G3BP1: variants seen among roughly 807,000 people sequenced by gnomAD.
G3BP1 encodes the protein G3BP stress granule assembly factor 1, also known as ras GTPase-activating protein-binding protein 1.
Under a neutral mutation model 58.6 loss-of-function variants are expected in G3BP1, and 35 were observed. The ratio of observed to expected loss-of-function variants is 0.60; its 90% CI spans 0.46 to 0.79. G3BP1 has a LOEUF of 0.79. G3BP1 is among the 30% of genes least tolerant of loss of function. The pLI is 0.00. For synonymous variants in G3BP1, 191 were observed against 195.4 expected, an observed-to-expected ratio of 0.98 and a Z score of 0.19; for missense variants, 523 against 580.8, an observed-to-expected ratio of 0.90 and a Z score of 1.02.
At position 151,803,939 on chromosome 5, in the gene G3BP1, G is replaced by A; in HGVS notation, c.1249G>A (p.Ala417Thr). 1 of 1,614,040 alleles carries A rather than the reference G, an allele frequency of 6.2e-7. No individual in the cohort carries two copies. The highest frequency in any genetic ancestry group is 8.5e-7 in the Non-Finnish European group (1 of 1,179,922). The stretch of plus-strand genomic sequence containing the variant: ...GAATGTCGAAGAGAAGAAGACTCGA[G>A]CTGCCAGGGAAGGCGACCGACGAGA... ...RLNVEEKKTR[A>T]AREGDRRDNR... The change falls in exon 12 of 12, where the codon GCT (alanine) becomes ACT (threonine). Residue 417 changes from alanine (A) to threonine (T), a missense_variant. Physicochemically the swap from Ala to Thr is moderately conservative, Grantham distance 58 (BLOSUM62 0). Around this residue, in one of 2 missense-constraint regions of G3BP1, gnomAD observed 125 missense variants for 181.7 expected, o/e 0.69. Coordinates refer to ENST00000356245, the MANE Select transcript of G3BP1 (RefSeq NM_005754.3).
At position 151,794,191 on chromosome 5, in the gene G3BP1, T is replaced by C. The variant is rs748514341; in HGVS notation, c.384T>C (p.Asn128=). The C allele has an allele frequency of 6.2e-6, 10 of 1,610,794 alleles. No individual in the cohort carries two copies. Among genetic ancestry groups the C allele is most frequent in the Admixed American group, 5.0e-5 (3 of 60,006 alleles). Residue 128 remains asparagine (N), a synonymous_variant, in exon 5 of 12, where the codon AAT becomes AAC. Coordinates refer to ENST00000356245, the MANE Select transcript of G3BP1 (RefSeq NM_005754.3). The part of the protein sequence containing the change: ...GSVANKFYVH[N]DIFRYQDEVF... The stretch of plus-strand genomic sequence containing the variant: ...TTGCAAATAAATTCTATGTTCACAA[T>C]GATATCTTCAGATACCAAGATGAGG...
intron 1 of G3BP1, among the ~76,000 whole-genome samples, chr5:151,778,569 G>A (rs1478542560): frequency 6.6e-6 from 1 of 151,968 alleles, no homozygotes; most frequent in African/African-American, 2.4e-5. Context: ...AGCCTCCTGA[G>A]TAGCTGGGAT....
chr5:151,776,527 G>C (rs979896510), intron 1 of G3BP1, among the ~76,000 whole-genome samples: 6 of 152,012 alleles, frequency 3.9e-5, no homozygotes, highest in African/African-American at 1.4e-4. Context: ...CATTTTAATG[G>C]ATCTCGTCTG....
intron 4 of G3BP1, chr5:151,792,100 A>G: frequency 2.2e-6 from 1 of 456,234 alleles, no homozygotes. Context: ...CTGTTCCTTC[A>G]AGGAGGCCTG....
Position 151,800,329 on chromosome 5 carries a change from T to C in G3BP1, c.1067T>C (p.Leu356Pro). 6.2e-7 allele frequency: 1 copy of C among 1,613,312 alleles called. No individual in the cohort carries two copies. ...CCTCATGAAGTGGACAAATCAGAGC[T>C]TAAAGATTTCTTTCAAAGTAGGTTA... is the stretch of plus-strand genomic sequence containing the variant. ...NLPHEVDKSE[L>P]KDFFQSYGNV... Residue 356 changes from leucine (L) to proline (P), a missense_variant, in exon 10 of 12, where the codon CTT (leucine) becomes CCT (proline). Leu to Pro is a moderately conservative substitution (Grantham distance 98). Coordinates refer to ENST00000356245, the MANE Select transcript of G3BP1 (RefSeq NM_005754.3).
intron 11 of G3BP1, among the ~76,000 whole-genome samples, chr5:151,802,208 T>C (rs1762867240): frequency 6.6e-6 from 1 of 152,216 alleles, no homozygotes; most frequent in Non-Finnish European, 1.5e-5. Context: ...TTTATTTTTG[T>C]GAAGCATCTC....
Position 151,795,491 on chromosome 5 carries a change from A to T in G3BP1, c.455A>T (p.Glu152Val), listed in dbSNP as rs778337336. ...VTEPQEESEE[E>V]VEEPEERQQT... ...TTTTCTCACTTAGAGTCTGAAGAAG[A>T]AGTAGAGGAACCTGAAGAAAGACAG... Residue 152 changes from glutamate to valine, a missense_variant, in exon 6 of 12, where the codon GAA becomes GTA. This residue lies in a region of G3BP1 where 398 missense variants were observed against 399.1 expected (regional missense o/e 1.00). Coordinates refer to ENST00000356245, the MANE Select transcript of G3BP1 (RefSeq NM_005754.3). 31 of 1,569,536 alleles carry T rather than the reference A, an allele frequency of 2.0e-5. No homozygotes were observed. Among genetic ancestry groups the T allele is most frequent in the Non-Finnish European group, 2.7e-5 (31 of 1,141,062 alleles).
rs767719303 is a variant in G3BP1, at chr5:151,811,130, A to G, written c.*7039A>G. The G allele has an allele frequency of 3.3e-5, 5 of 152,048 alleles. No homozygotes were observed. The highest frequency in any genetic ancestry group is 5.9e-5 in the Non-Finnish European group (4 of 68,012). 9.4% of individuals were successfully genotyped at this position (152,048 alleles called of 1,614,324 possible). The stretch of plus-strand genomic sequence containing the variant: ...CAAGTCTTTCCCGTCTTTCTTCCTC[A>G]CCTATGTAATTTCAGTAGTCTCTCA... On this transcript the variant is annotated 3_prime_UTR_variant, in exon 12 of 12. Transcript: ENST00000356245.
chr5:151,779,384 T>C (rs1371573672), intron 1 of G3BP1, among the ~76,000 whole-genome samples: 1 of 152,184 alleles, frequency 6.6e-6, no homozygotes, highest in African/African-American at 2.4e-5. Flanking sequence ...CCATATGATA[T>C]CTAATTGTTT....
chr5:151,786,811 G>A (rs1416632576), intron 2 of G3BP1, 96 bp downstream of exon 2: 1 of 792,400 alleles, frequency 1.3e-6, no homozygotes, highest in Non-Finnish European at 2.2e-6. Flanking sequence ...GCTTTGTAGG[G>A]TTGTTGCATA....
chr5:151,792,875 A>C (rs1047382093), intron 4 of G3BP1, among the ~76,000 whole-genome samples: 3 of 152,164 alleles, frequency 2.0e-5, no homozygotes, highest in African/African-American at 4.8e-5. Context: ...TCAGCTCTCC[A>C]AAGTGTTGGG....
intron 8 of G3BP1, 41 bp from the exon 9 acceptor site, chr5:151,799,848 C>G (rs774788289): frequency 4.4e-6 from 5 of 1,148,376 alleles, no homozygotes; most frequent in South Asian, 1.3e-5. Flanking sequence ...AAGGATAAGC[C>G]TGCTTTGTTT....
intron 1 of G3BP1, among the ~76,000 whole-genome samples, chr5:151,785,130 G>A (rs1292736391): frequency 4.6e-5 from 7 of 152,168 alleles, no homozygotes; most frequent in Non-Finnish European, 1.0e-4. Flanking sequence ...TGGGATTACA[G>A]GCGTGAGCCA....
At chr5:151,796,664 A>ATTCCTTAT (rs2113242890) in intron 6 of G3BP1, among the ~76,000 whole-genome samples, 2 of 152,316 alleles carry the variant, frequency 1.3e-5, no homozygotes, top group Non-Finnish European at 2.9e-5. Context: ...TGTGCTTGAA[A>ATTCCTTAT]GAGTTTTTGT....
chr5:151,790,759 G>C (rs966717905), intron 3 of G3BP1, 130 bp from the exon 4 acceptor site: 14 of 605,006 alleles, frequency 2.3e-5, no homozygotes, highest in Non-Finnish European at 4.0e-5. Context: ...TCAAAATTCA[G>C]TCTGCATATC....
intron 1 of G3BP1, among the ~76,000 whole-genome samples, chr5:151,779,417 T>G (rs1762429703): frequency 6.6e-6 from 1 of 152,146 alleles, no homozygotes; most frequent in African/African-American, 2.4e-5. Context: ...TTGAAGAGAG[T>G]ATACTTTTTC....
At chr5:151,773,443 T>G (rs531759214) in intron 1 of G3BP1, among the ~76,000 whole-genome samples, 1 of 152,164 alleles carries the variant, frequency 6.6e-6, no homozygotes, top group Non-Finnish European at 1.5e-5. Flanking sequence ...TTGTGTACAC[T>G]CCGTTTATTT....
intron 4 of G3BP1, 51 bp downstream of exon 4, chr5:151,791,113 A>G (rs1345207981): frequency 7.1e-7 from 1 of 1,417,068 alleles, no homozygotes; most frequent in Non-Finnish European, 1.0e-6. Flanking sequence ...GAAAAAAGAA[A>G]CAATGAACTG....
At chr5:151,792,075 C>G in intron 4 of G3BP1, 1 of 456,226 alleles carries the variant, frequency 2.2e-6, no homozygotes, top group Non-Finnish European at 4.4e-6. Context: ...GGCCCAGTCC[C>G]TATTCTTGAA....
Sources: allele counts gnomAD v4.1 joint callset (sites outside exome capture counted in the v4.1 genomes callset), GRCh38; gene constraint gnomAD v4.1.1; regional missense constraint gnomAD v4.1.1; transcripts MANE v1.5; gene names NCBI Gene and HGNC (gene_info 2026-07-23, HGNC 2026-07-21).